LYN: variants seen among roughly 807,000 people sequenced by gnomAD.
LYN encodes the protein LYN proto-oncogene, Src family tyrosine kinase, also known as tyrosine-protein kinase Lyn.
In LYN, 12 loss-of-function variants were observed where a neutral mutation model predicts 65.0. That is an observed-to-expected ratio of 0.18 (90% CI 0.12 to 0.30). The LOEUF (loss-of-function observed/expected upper bound fraction) is 0.30, where lower values mean the gene tolerates loss of function less well. Among genes scored for constraint, LYN ranks in the 10% least tolerant of loss-of-function variants. LYN has a pLI of 1.00. For synonymous variants in LYN, 222 were observed against 221.2 expected (o/e 1.00, Z -0.03); for missense variants, 380 against 623.2 (o/e 0.61, Z 4.16).
At chr8:55,926,399 T>A (rs1806111523) in intron 1 of LYN, among the ~76,000 whole-genome samples, 1 of 152,240 alleles carries the variant, frequency 6.6e-6, no homozygotes, top group Admixed American at 6.5e-5. Flanking sequence ...AGTTCAGAGC[T>A]ACATTATCAG....
In LYN at chr8:56,010,983, C is replaced by A. The variant is rs1336591670; in HGVS notation, c.*873C>A. The stretch of plus-strand genomic sequence containing the variant: ...AGTTTGGAAGAACTAAGATTCTAAT[C>A]TCTGAAGAACCTTATAGGGCCTTCT... On this transcript the variant is annotated 3_prime_UTR_variant, in exon 13 of 13. Transcript: ENST00000519728. 4.3e-6 allele frequency: 1 copy of A among 232,328 alleles called. No homozygotes were observed. The highest frequency in any genetic ancestry group is 8.5e-6 in the Non-Finnish European group (1 of 117,590). The allele number at this position is 232,328 out of a possible 1,614,324, so 14.4% of individuals were successfully genotyped here. A position where few individuals can be genotyped will look rare whatever the true frequency, so the allele number is the denominator to read the frequency against.
intron 10 of LYN, 72 bp downstream of exon 10, chr8:55,969,865 T>G: frequency 1.6e-6 from 2 of 1,287,348 alleles, no homozygotes; most frequent in Non-Finnish European, 2.3e-6. Flanking sequence ...CATGAAGGAG[T>G]TATTGTTCCA....
chr8:55,926,941 C>T (rs7341608), intron 1 of LYN, among the ~76,000 whole-genome samples: 36,655 of 152,150 alleles, frequency 0.24, 5,256 homozygotes, highest in Middle Eastern at 0.39. Context: ...GTTTTAGATT[C>T]AGATAAATTA....
chr8:55,926,098 C>T (rs1439777600), intron 1 of LYN, among the ~76,000 whole-genome samples: 1 of 152,166 alleles, frequency 6.6e-6, no homozygotes, highest in African/African-American at 2.4e-5. Context: ...GTGATTCTTG[C>T]ACATAATTTA....
intron 3 of LYN, 28 bp downstream of exon 3, chr8:55,946,521 A>G: frequency 6.6e-7 from 1 of 1,519,980 alleles, no homozygotes; most frequent in Non-Finnish European, 9.0e-7. Flanking sequence ...CATAGTTAAA[A>G]TTTTTTTTCT....
rs145429061 is a variant in LYN at position 55,944,314 on chromosome 8, A to G, written c.133-2134A>G. ...TAAGTATGTACAGATATAGAACCAT[A>G]TCATATATAAATATGATTAATAGAA... is the stretch of plus-strand genomic sequence containing the variant. On this transcript the variant is annotated intron_variant, in intron 2 of 12. Transcript: ENST00000519728. Among the ~76,000 whole-genome samples the G allele has an allele frequency of 2.4e-3, 365 of 152,246 alleles. 1 individual carries two copies. The highest frequency in any genetic ancestry group is 8.4e-3 in the African/African-American group (350 of 41,564).
Position 55,950,461 on chromosome 8 carries a change from A to G in LYN, c.287A>G (p.His96Arg). ...TTTGATGTGTATTTCTATTCTAGGC[A>G]TGGAGAATGGTGGAAAGCAAAGTCC... ...KGEKMKVLEE[H>R]GEWWKAKSLL... Residue 96 changes from histidine to arginine, a missense_variant and splice_region_variant, in exon 5 of 13, where the codon CAT becomes CGT. Transcript: ENST00000519728. 1 of 1,607,860 alleles carries G rather than the reference A, an allele frequency of 6.2e-7. No individual in the cohort carries two copies. Among genetic ancestry groups the G allele is most frequent in the Non-Finnish European group, 8.5e-7 (1 of 1,177,116 alleles).
At chr8:55,938,889 C>T (rs372968573) in intron 1 of LYN, among the ~76,000 whole-genome samples, 2 of 152,274 alleles carry the variant, frequency 1.3e-5, no homozygotes, top group Admixed American at 6.5e-5. Context: ...CTATGCTGTG[C>T]GCGAGTCTTT....
At chr8:56,006,257 A>G (rs373473378) in intron 12 of LYN, among the ~76,000 whole-genome samples, 1 of 151,818 alleles carries the variant, frequency 6.6e-6, no homozygotes, top group South Asian at 2.1e-4. Flanking sequence ...GAATCAAGAA[A>G]TTTGTCCTGC....
At position 55,969,812 on chromosome 8, in the gene LYN, C is replaced by T. The variant is rs774800002; in HGVS notation, c.1050+19C>T. 3 of 1,610,122 alleles carry T rather than the reference C, an allele frequency of 1.9e-6. No individual in the cohort carries two copies. Among genetic ancestry groups the T allele is most frequent in the South Asian group, 1.1e-5 (1 of 90,992 alleles). Reference sequence around the variant, plus strand: ...TGCTCAGGTAACATATTCAAAAAGCCCCGTGTGCACGTGCATTTGCAAAGA... The same window carrying T: ...TGCTCAGGTAACATATTCAAAAAGCTCCGTGTGCACGTGCATTTGCAAAGA... On this transcript the variant is annotated intron_variant, in intron 10 of 12. Transcript: ENST00000519728.
intron 10 of LYN, among the ~76,000 whole-genome samples, chr8:55,980,054 C>T (rs1454403314): frequency 6.6e-6 from 1 of 152,232 alleles, no homozygotes; most frequent in African/African-American, 2.4e-5. Context: ...AGGCAGGCCA[C>T]AGTCCCCGGG....
intron 4 of LYN, among the ~76,000 whole-genome samples, chr8:55,949,353 G>A (rs1028515373): frequency 1.3e-5 from 2 of 152,164 alleles, no homozygotes; most frequent in Non-Finnish European, 2.9e-5. Flanking sequence ...ACCCCTGATC[G>A]CAGTGATGCG....
At position 56,010,948 on chromosome 8, in the gene LYN, T is replaced by C. The variant is rs1477624095; in HGVS notation, c.*838T>C. The stretch of plus-strand genomic sequence containing the variant: ...ACAATTTCCTATATCCAGATTTGTT[T>C]TGACAATGTAGTTTGGAAGAACTAA... On this transcript the variant is annotated 3_prime_UTR_variant, in exon 13 of 13. Transcript: ENST00000519728. 1 of 231,782 alleles carries C rather than the reference T, an allele frequency of 4.3e-6. No homozygotes were observed. The highest frequency in any genetic ancestry group is 8.5e-6 in the Non-Finnish European group (1 of 117,212). The allele number at this position is 231,782 out of a possible 1,614,324, so 14.4% of individuals were successfully genotyped here.
intron 10 of LYN, among the ~76,000 whole-genome samples, chr8:55,993,662 GA>G (rs1311639293): frequency 1.3e-5 from 2 of 152,206 alleles, no homozygotes; most frequent in Non-Finnish European, 2.9e-5. Flanking sequence ...GATGAAACAT[GA>G]ATTGAGTGTA....
At chr8:55,990,239 CAAAAAAAAA>C (rs34461698) in intron 10 of LYN, among the ~76,000 whole-genome samples, 1 of 45,410 alleles carries the variant, frequency 2.2e-5, no homozygotes, top group Non-Finnish European at 4.0e-5. Flanking sequence ...ACTCTGCCTC[CAAAAAAAAA>C]AAAAAAAAAA....
At chr8:55,959,138 A>AT (rs922110680) in intron 8 of LYN, among the ~76,000 whole-genome samples, 13 of 151,786 alleles carry the variant, frequency 8.6e-5, no homozygotes, top group East Asian at 1.9e-4. Flanking sequence ...TGTTTTGGGG[A>AT]TTTTTTTTGT....
At chr8:55,920,520 A>G (rs1805914690) in intron 1 of LYN, among the ~76,000 whole-genome samples, 1 of 152,084 alleles carries the variant, frequency 6.6e-6, no homozygotes, top group African/African-American at 2.4e-5. Context: ...CCTCATGGTG[A>G]CCCCTGATGG....
Position 55,998,364 on chromosome 8 carries a change from T to C in LYN, c.1069T>C (p.Tyr357His). The C allele has an allele frequency of 6.2e-7, 1 of 1,613,244 alleles. No homozygotes were observed. The highest frequency in any genetic ancestry group is 8.5e-7 in the Non-Finnish European group (1 of 1,179,182). The change falls in exon 11 of 13, where the codon TAC becomes CAC. Residue 357 changes from tyrosine (Y) to histidine (H), a missense_variant. Physicochemically the swap from Tyr to His is moderately conservative, Grantham distance 83 (BLOSUM62 2). This residue lies in a region of LYN where 223 missense variants were observed against 430.0 expected (regional missense o/e 0.52). Transcript: ENST00000519728. The part of the protein sequence containing the change: ...FSAQIAEGMA[Y>H]IERKNYIHRD... ...TTTTCAGATTGCAGAGGGAATGGCA[T>C]ACATCGAGCGGAAGAACTACATTCA... is the stretch of plus-strand genomic sequence containing the variant.
rs1386037503 is a variant in LYN, at chr8:55,999,410, T to G, written c.1205-8T>G. On this transcript the variant is annotated splice_polypyrimidine_tract_variant and splice_region_variant and intron_variant, in intron 11 of 12. Transcript: ENST00000519728. Reference sequence around the variant, plus strand: ...ACCCAAGTAAGAACCACATATCTTCTTCCTTAGGTGCTAAGTTCCCTATTA... The same window carrying G: ...ACCCAAGTAAGAACCACATATCTTCGTCCTTAGGTGCTAAGTTCCCTATTA... 1 of 1,613,174 alleles carries G rather than the reference T, an allele frequency of 6.2e-7. No individual in the cohort carries two copies. The highest frequency in any genetic ancestry group is 1.1e-5 in the South Asian group (1 of 90,946).
Sources: gnomAD v4.1 joint callset for allele counts (sites outside exome capture counted in the v4.1 genomes callset) on GRCh38, gnomAD v4.1.1 for gene constraint, gnomAD v4.1.1 regional missense constraint, MANE v1.5 for transcripts, NCBI Gene and HGNC (gene_info 2026-07-23, HGNC 2026-07-21) for gene names.